The following CELSR1 variants were observed in gnomAD, a reference collection of about 807,000 sequenced individuals.
CELSR1 encodes adhesion G protein-coupled receptor C1.
CELSR1 carries 110 observed loss-of-function variants against 249.1 expected under a neutral mutation model. The observed-to-expected ratio is 0.44, with a 90% confidence interval of 0.38 to 0.52. The LOEUF (loss-of-function observed/expected upper bound fraction) is 0.52. Among genes scored for constraint, CELSR1 ranks in the 20% least tolerant of loss-of-function variants. The probability of loss-of-function intolerance (pLI) is 0.00; values close to 1 mark genes in which losing one functional copy is unlikely to be tolerated. For missense variants in CELSR1, 4,109 were observed against 4,296.4 expected (o/e 0.96, Z 1.22); for synonymous variants, 2,113 against 1,900.0 (o/e 1.11, Z -2.92).
In CELSR1 at chr22:46,446,661, A is replaced by G. The variant is rs1471465819; in HGVS notation, c.4184-7250T>C. Among the ~76,000 whole-genome samples, 1 of 152,166 alleles carries G rather than the reference A, an allele frequency of 6.6e-6. No individual in the cohort carries two copies. Among genetic ancestry groups the G allele is most frequent in the Non-Finnish European group, 1.5e-5 (1 of 68,034 alleles). On this transcript the variant is annotated intron_variant, in intron 2 of 34. Coordinates refer to ENST00000674500, the MANE Select transcript of CELSR1 (RefSeq NM_001378328.1). This position sits in a 1 kb window ranked among gnomAD's most constrained non-coding sequence, Gnocchi z 5.5. ...GCAGGTACTGACAGACACTTGTGAA[A>G]TGAAGTCAAAAAATGCCAGGATTTC...
rs899279772 is a variant in CELSR1 at position 46,472,338 on chromosome 22, T to C, written c.3545-7993A>G. ...TTATCTGCAATTGTGTTCCCCATGG[T>C]GGGCTCATGCTGTGGGGCAGTGGGG... On this transcript the variant is annotated intron_variant, in intron 1 of 34. Coordinates refer to ENST00000674500, the MANE Select transcript of CELSR1 (RefSeq NM_001378328.1). The surrounding 1 kb of genome is among the most constrained non-coding windows in gnomAD (Gnocchi z 7.0). Among the ~76,000 whole-genome samples the C allele has an allele frequency of 7.1e-4, 108 of 152,292 alleles. No homozygotes were observed. Among genetic ancestry groups the C allele is most frequent in the South Asian group, 2.1e-4 (1 of 4,826 alleles).
chr22:46,537,138 C>T lies in CELSR1; in HGVS notation c.33G>A (p.Val11=). 1 of 1,030,272 alleles carries T rather than the reference C, an allele frequency of 9.7e-7. No individual in the cohort carries two copies. The highest frequency in any genetic ancestry group is 1.2e-6 in the Non-Finnish European group (1 of 861,408). The allele number at this position is 1,030,272 out of a possible 1,614,324, so 63.8% of individuals were successfully genotyped here. ...CGGCGGCGGCGGCCAGGAGCAGCAG[C>T]ACGGGCAGCACGGGCGGCGGCGGCG... is the stretch of plus-strand genomic sequence containing the variant. MAPPPPPVLP[V]LLLLAAAAAL... Residue 11 remains valine (V), a synonymous_variant, in exon 1 of 35, where the codon GTG becomes GTA. Transcript: ENST00000674500. This position sits in a 1 kb window ranked among gnomAD's most constrained non-coding sequence, Gnocchi z 5.8.
intron 5 of CELSR1, among the ~76,000 whole-genome samples, chr22:46,432,961 T>C (rs1006630644): frequency 5.9e-5 from 9 of 151,870 alleles, no homozygotes; most frequent in African/African-American, 2.2e-4. Flanking sequence ...TTTTTTCCAA[T>C]AGCACATTTA....
intron 1 of CELSR1, among the ~76,000 whole-genome samples, chr22:46,470,951 C>A (rs1416464617): frequency 3.9e-5 from 6 of 152,096 alleles, no homozygotes; most frequent in African/African-American, 1.4e-4. Flanking sequence ...GTGGCAAAAC[C>A]CTGTCTCTAC....
At chr22:46,457,754 C>T (rs2079973816) in intron 2 of CELSR1, among the ~76,000 whole-genome samples, 1 of 152,216 alleles carries the variant, frequency 6.6e-6, no homozygotes, top group African/African-American at 2.4e-5. Context: ...CCAGTGCTCA[C>T]AGGGGCAGGA....
At position 46,536,471 on chromosome 22, in the gene CELSR1, G is replaced by A; in HGVS notation, c.700C>T (p.Arg234Trp). 1.2e-6 allele frequency: 2 copies of A among 1,605,634 alleles called. No homozygotes were observed. Among genetic ancestry groups the A allele is most frequent in the Non-Finnish European group, 1.7e-6 (2 of 1,176,756 alleles). The change falls in exon 1 of 35, where the codon CGG becomes TGG. Residue 234 changes from arginine (R) to tryptophan (W), a missense_variant. Coordinates refer to ENST00000674500, the MANE Select transcript of CELSR1 (RefSeq NM_001378328.1). The stretch of plus-strand genomic sequence containing the variant: ...CTCCCTCTGCCGCTCGTGCCCCGCC[G>A]GGCCCGTCGCGCCGGCCCCGCCCGG... ...EARAGPARRA[R>W]RGTSGRGSLK...
chr22:46,385,996 G>C (rs1206384767), intron 19 of CELSR1, among the ~76,000 whole-genome samples: 2 of 135,526 alleles, frequency 1.5e-5, no homozygotes, highest in African/African-American at 5.9e-5. Context: ...TTGAGATGGA[G>C]TCTCGCTCTG....
At position 46,517,822 on chromosome 22, in the gene CELSR1, A is replaced by C. The variant is rs1296621664; in HGVS notation, c.3544+15805T>G. On this transcript the variant is annotated intron_variant, in intron 1 of 34. Coordinates refer to ENST00000674500, the MANE Select transcript of CELSR1 (RefSeq NM_001378328.1). This position sits in a 1 kb window ranked among gnomAD's most constrained non-coding sequence, Gnocchi z 5.4. The stretch of plus-strand genomic sequence containing the variant: ...GGCATTGAGACCCAGAGGGAAAGGG[A>C]GGGTGAGCTGTCATCTGAAAGCACC... 6.6e-6 allele frequency among the ~76,000 whole-genome samples: 1 copy of C among 151,684 alleles called. No individual in the cohort carries two copies. Among genetic ancestry groups the C allele is most frequent in the East Asian group, 1.9e-4 (1 of 5,164 alleles).
intron 1 of CELSR1, chr22:46,481,536 G>A: frequency 7.6e-7 from 1 of 1,314,256 alleles, no homozygotes; most frequent in Non-Finnish European, 1.1e-6. Flanking sequence ...CCAGCTCACT[G>A]GTGATCAAAG....
chr22:46,466,646 G>A (rs60459165), intron 1 of CELSR1, among the ~76,000 whole-genome samples: 1,988 of 152,268 alleles, frequency 0.013, 48 homozygotes, highest in African/African-American at 0.046. Context: ...GGTTTGGGAC[G>A]CTTTGTTACA....
rs2078756101 is a variant in CELSR1 at position 46,365,321 on chromosome 22, A to AG, written c.8463dup (p.Ser2822LeufsTer15). On this transcript the variant is annotated frameshift_variant, in exon 32 of 35. Coordinates refer to ENST00000674500, the MANE Select transcript of CELSR1 (RefSeq NM_001378328.1). LOFTEE classifies it high-confidence loss of function. The stretch of plus-strand genomic sequence containing the variant: ...TCCTCGCTGTCTGACGAGTGTGAGG[A>AG]GGCGTAAGAGCTGCTCTGCTCATCC... The AG allele has an allele frequency of 6.2e-7, 1 of 1,612,780 alleles. No homozygotes were observed.
intron 1 of CELSR1, among the ~76,000 whole-genome samples, chr22:46,483,836 T>C (rs932134352): frequency 3.2e-4 from 49 of 152,136 alleles, no homozygotes; most frequent in African/African-American, 9.7e-4. Context: ...ACTCAGCTCT[T>C]TCACACCAAC....
chr22:46,502,811 C>T (rs2080479472), intron 1 of CELSR1, among the ~76,000 whole-genome samples: 1 of 152,172 alleles, frequency 6.6e-6, no homozygotes, highest in Admixed American at 6.5e-5. Context: ...TTAACATTAA[C>T]TATTAAACCA....
rs1423862538 is a variant in CELSR1 at position 46,428,910 on chromosome 22, C to T, written c.4611+4483G>A. Among the ~76,000 whole-genome samples, 1 of 152,212 alleles carries T rather than the reference C, an allele frequency of 6.6e-6. No homozygotes were observed. Among genetic ancestry groups the T allele is most frequent in the Non-Finnish European group, 1.5e-5 (1 of 68,034 alleles). On this transcript the variant is annotated intron_variant, in intron 5 of 34. Coordinates refer to ENST00000674500, the MANE Select transcript of CELSR1 (RefSeq NM_001378328.1). This position sits in a 1 kb window ranked among gnomAD's most constrained non-coding sequence, Gnocchi z 5.7. ...AGGAGACTGTGCTCCAGGCTCTGGG[C>T]AGGCTCAGCTGGCTTTAGAAGATGC...
At chr22:46,508,414 G>A (rs1266939188) in intron 1 of CELSR1, among the ~76,000 whole-genome samples, 1 of 151,430 alleles carries the variant, frequency 6.6e-6, no homozygotes. Context: ...CTGCGTGGTG[G>A]TCATCCCCAC....
Position 46,473,540 on chromosome 22 carries a change from G to T in CELSR1, c.3545-9195C>A, listed in dbSNP as rs1256982299. ...TCACCACCCCATGCACCAAAGCCTGGGGGGCTCCTCCACTCTCCCGTCACC... is the reference window on the plus strand; with the variant it reads ...TCACCACCCCATGCACCAAAGCCTGTGGGGCTCCTCCACTCTCCCGTCACC... On this transcript the variant is annotated intron_variant, in intron 1 of 34. Transcript: ENST00000674500. The surrounding 1 kb of genome is among the most constrained non-coding windows in gnomAD (Gnocchi z 6.6). 6.6e-6 allele frequency among the ~76,000 whole-genome samples: 1 copy of T among 152,120 alleles called. No individual in the cohort carries two copies. Among genetic ancestry groups the T allele is most frequent in the Non-Finnish European group, 1.5e-5 (1 of 68,006 alleles).
At chr22:46,377,605 T>G in intron 23 of CELSR1, 1 of 329,174 alleles carries the variant, frequency 3.0e-6, no homozygotes, top group Non-Finnish European at 5.8e-6. Flanking sequence ...CAATTTCAGC[T>G]TCCTTGGCCC....
Position 46,468,070 on chromosome 22 carries a change from C to T in CELSR1, c.3545-3725G>A, listed in dbSNP as rs572822240. On this transcript the variant is annotated intron_variant, in intron 1 of 34. Coordinates refer to ENST00000674500, the MANE Select transcript of CELSR1 (RefSeq NM_001378328.1). The surrounding 1 kb of genome is among the most constrained non-coding windows in gnomAD (Gnocchi z 4.5). ...GCTGAAACATGGAAGTGACCTGCGT[C>T]CACCGACAGATTAACGGATTAAAAC... Among the ~76,000 whole-genome samples, 1 of 152,182 alleles carries T rather than the reference C, an allele frequency of 6.6e-6. No homozygotes were observed. Among genetic ancestry groups the T allele is most frequent in the African/African-American group, 2.4e-5 (1 of 41,522 alleles).
rs748974151 is a variant in CELSR1, at chr22:46,518,522, G to T, written c.3544+15105C>A. On this transcript the variant is annotated intron_variant, in intron 1 of 34. Transcript: ENST00000674500. The surrounding 1 kb of genome is among the most constrained non-coding windows in gnomAD (Gnocchi z 5.2). ...AGAAACCAGTCACACACACAAACATGAAGGCAGGCGTGGCAGTGGGTTCAC... is the reference window on the plus strand; with the variant it reads ...AGAAACCAGTCACACACACAAACATTAAGGCAGGCGTGGCAGTGGGTTCAC... Among the ~76,000 whole-genome samples the T allele has an allele frequency of 2.0e-5, 3 of 152,256 alleles. No homozygotes were observed. The highest frequency in any genetic ancestry group is 4.4e-5 in the Non-Finnish European group (3 of 68,044).
Sources: allele counts gnomAD v4.1 joint callset (sites outside exome capture counted in the v4.1 genomes callset), GRCh38; gene constraint gnomAD v4.1.1; non-coding constraint Gnocchi (gnomAD v3.1); transcripts MANE v1.5; gene names NCBI Gene and HGNC (gene_info 2026-07-23, HGNC 2026-07-21).